RANBP2: variants seen among roughly 807,000 people sequenced by gnomAD.
RANBP2 encodes E3 SUMO-protein ligase RanBP2.
Under a neutral mutation model 303.6 loss-of-function variants are expected in RANBP2, and 57 were observed. The observed-to-expected ratio is 0.19, with a 90% CI of 0.15 to 0.23. RANBP2 has a LOEUF of 0.23. Ranked by LOEUF, RANBP2 falls within the 10% of genes least tolerant of loss-of-function variation. The pLI is 1.00. For synonymous variants in RANBP2, 1,167 were observed against 1,301.5 expected (o/e 0.90, Z 2.23); for missense variants, 3,138 against 3,780.8 (o/e 0.83, Z 4.46).
chr2:109,039,573 T>A, the RANBP2 span, among the ~76,000 whole-genome samples: 2 of 152,154 alleles, frequency 1.3e-5, no homozygotes, highest in Admixed American at 6.5e-5. Context: ...ATGGTCTCGA[T>A]CTCTTGACCT....
the RANBP2 span, among the ~76,000 whole-genome samples, chr2:109,548,648 C>T: frequency 1.3e-5 from 2 of 151,798 alleles, no homozygotes; most frequent in African/African-American, 2.4e-5. Context: ...TGGCAGTGTG[C>T]GCCTGTAGTC....
At chr2:109,438,920 C>T in the RANBP2 span, among the ~76,000 whole-genome samples, 1 of 152,168 alleles carries the variant, frequency 6.6e-6, no homozygotes, top group African/African-American at 2.4e-5. Context: ...GCCCGGTGTT[C>T]TGTACAAATG....
the RANBP2 span, among the ~76,000 whole-genome samples, chr2:109,062,224 G>A: frequency 6.6e-6 from 1 of 152,196 alleles, no homozygotes; most frequent in Admixed American, 6.5e-5. Context: ...CCTCCTCTGA[G>A]AGTCTAAAGT....
chr2:108,774,839 G>C (rs114304281), intron 23 of RANBP2, among the ~76,000 whole-genome samples: 3,645 of 151,568 alleles, frequency 0.024, 140 homozygotes, highest in African/African-American at 0.084. Flanking sequence ...CCGAGTATCT[G>C]CGATTATAGG....
chr2:108,798,732 C>T, the RANBP2 span: 2 of 560,392 alleles, frequency 3.6e-6, no homozygotes, highest in Non-Finnish European at 6.2e-6. Flanking sequence ...CACACACACA[C>T]ACACACACTT....
chr2:109,005,831 C>T, the RANBP2 span, among the ~76,000 whole-genome samples: 49 of 152,312 alleles, frequency 3.2e-4, no homozygotes, highest in Middle Eastern at 3.4e-3. Context: ...CAGCTGTAAC[C>T]ACTTCACATT....
At chr2:109,614,169 G>C in the RANBP2 span, 2 of 1,179,620 alleles carry the variant, frequency 1.7e-6, no homozygotes, top group Non-Finnish European at 1.1e-6. Context: ...GGCGGGAACT[G>C]CGGAGCAGTG....
the RANBP2 span, among the ~76,000 whole-genome samples, chr2:109,045,395 T>C: frequency 6.6e-6 from 1 of 152,140 alleles, no homozygotes; most frequent in Non-Finnish European, 1.5e-5. Context: ...CCTTTTCCCG[T>C]AAGAGCTGGG....
chr2:108,782,570 C>T lies in RANBP2; in HGVS notation c.9077C>T (p.Thr3026Ile), dbSNP rs747624402. 2 of 1,614,138 alleles carry T rather than the reference C, an allele frequency of 1.2e-6. No homozygotes were observed. The highest frequency in any genetic ancestry group is 1.7e-6 in the Non-Finnish European group (2 of 1,180,010). ...KVEQLAVRFKTKEVADCFKKT... is the reference protein window; with the variant it reads ...KVEQLAVRFKIKEVADCFKKT... ...GAACAGCTTGCAGTGAGATTTAAAA[C>T]TAAAGAAGTAGCTGATTGTTTCAAG... The change falls in exon 28 of 29, where the codon ACT (threonine) becomes ATT (isoleucine). Residue 3026 changes from threonine (T) to isoleucine (I), a missense_variant. Thr to Ile is a moderately conservative substitution (Grantham distance 89). Around this residue, in one of 20 missense-constraint regions of RANBP2, gnomAD observed 204 missense variants for 228.4 expected, o/e 0.89. Transcript: ENST00000283195.
At chr2:109,575,279 A>G in the RANBP2 span, among the ~76,000 whole-genome samples, 2 of 152,246 alleles carry the variant, frequency 1.3e-5, no homozygotes, top group African/African-American at 4.8e-5. Context: ...TAACTAACTG[A>G]GAAAATGCAT....
the RANBP2 span, among the ~76,000 whole-genome samples, chr2:109,415,556 G>A: frequency 2.0e-5 from 3 of 152,122 alleles, no homozygotes; most frequent in African/African-American, 7.2e-5. Flanking sequence ...TGCAGGCTGG[G>A]CTCCCTCGCA....
the RANBP2 span, among the ~76,000 whole-genome samples, chr2:109,456,634 TCTC>T: frequency 1.3e-5 from 2 of 152,156 alleles, no homozygotes; most frequent in Admixed American, 1.3e-4. Context: ...TGTCCCCAGT[TCTC>T]CTGTAGAAAC....
the RANBP2 span, among the ~76,000 whole-genome samples, chr2:109,406,816 TG>T: frequency 2.0e-5 from 3 of 152,150 alleles, no homozygotes; most frequent in African/African-American, 7.2e-5. Flanking sequence ...AGAGGCTACA[TG>T]GAAGCCTCTG....
the RANBP2 span, among the ~76,000 whole-genome samples, chr2:109,680,349 C>T: frequency 2.7e-5 from 4 of 147,982 alleles, no homozygotes; most frequent in Middle Eastern, 3.5e-3. Context: ...CCAGCCTAGG[C>T]AACAGAGCGA....
chr2:108,771,837 T>C lies in RANBP2; in HGVS notation c.7986T>C (p.Asn2662=), dbSNP rs2149297400. 1 of 1,614,052 alleles carries C rather than the reference T, an allele frequency of 6.2e-7. No individual in the cohort carries two copies. The highest frequency in any genetic ancestry group is 1.1e-5 in the South Asian group (1 of 91,084). Residue 2662 remains asparagine, a synonymous_variant, in exon 21 of 29, where the codon AAT becomes AAC. Transcript: ENST00000283195. ...CTCCAACTTTCTTCTGCTACAAGAA[T>C]AGACCAGATTATGTTAGTGAAGAAG... The part of the protein sequence containing the change: ...KLPPTFFCYK[N]RPDYVSEEEE...
chr2:109,078,134 T>TGCTAAGTGAAAA, the RANBP2 span, among the ~76,000 whole-genome samples: 1 of 69,606 alleles, frequency 1.4e-5, no homozygotes, highest in Non-Finnish European at 2.6e-5. Context: ...TATATATATA[T>TGCTAAGTGAAAA]AGCGTGTATA....
the RANBP2 span, among the ~76,000 whole-genome samples, chr2:109,301,775 T>C: frequency 1.2e-4 from 19 of 152,344 alleles, no homozygotes; most frequent in Admixed American, 3.3e-4. Flanking sequence ...CCCATCCTTT[T>C]TGGGTGGGTT....
chr2:109,161,856 G>GA, the RANBP2 span, among the ~76,000 whole-genome samples: 1 of 151,944 alleles, frequency 6.6e-6, no homozygotes, highest in Non-Finnish European at 1.5e-5. Flanking sequence ...CAACATTGGG[G>GA]ATCACATTTT....
chr2:109,614,286 T>C, the RANBP2 span: 2 of 563,702 alleles, frequency 3.5e-6, no homozygotes, highest in Non-Finnish European at 5.0e-6. Flanking sequence ...CCTGGTGGCG[T>C]GGGCGCGGGG....
Sources: gnomAD v4.1 joint callset for allele counts (sites outside exome capture counted in the v4.1 genomes callset) on GRCh38, gnomAD v4.1.1 for gene constraint, gnomAD v4.1.1 regional missense constraint, MANE v1.5 for transcripts, NCBI Gene and HGNC (gene_info 2026-07-23, HGNC 2026-07-21) for gene names.